Variants in ARMH3 observed in about 807,000 individuals in gnomAD.
ARMH3 encodes the protein armadillo-like helical domain-containing protein 3.
A neutral mutation model predicts 99.1 loss-of-function variants in ARMH3; 60 were observed. The observed-to-expected ratio is 0.61, with a 90% CI of 0.49 to 0.75. The LOEUF is 0.75. ARMH3 is among the 30% of genes least tolerant of loss of function. ARMH3 has a pLI of 0.00. For synonymous variants in ARMH3, 285 were observed against 292.8 expected (o/e 0.97, Z 0.27); for missense variants, 679 against 843.1 (o/e 0.81, Z 2.41).
chr10:101,967,128 G>A (rs1187910503), intron 20 of ARMH3, among the ~76,000 whole-genome samples: 1 of 152,136 alleles, frequency 6.6e-6, no homozygotes, highest in Non-Finnish European at 1.5e-5. Flanking sequence ...CTAGGTTTAG[G>A]TACCACAGAA....
rs1343866288 is a variant in ARMH3, at chr10:101,847,617, G to T, written c.1981C>A (p.Arg661=). The change falls in exon 26 of 26, where the codon CGA becomes AGA. Residue 661 remains arginine (R), a synonymous_variant. Transcript: ENST00000370033. ...KEAAFFKELV[R]SISTNVRRNL... is the part of the protein sequence containing the mutation. ...CTCCGGACGTTGGTGCTAATGGATC[G>T]AACCTGGGAAAGGGTAGTTGGGGAA... 5.6e-6 allele frequency: 9 copies of T among 1,614,088 alleles called. No homozygotes were observed. The highest frequency in any genetic ancestry group is 2.2e-5 in the East Asian group (1 of 44,882).
intron 24 of ARMH3, among the ~76,000 whole-genome samples, chr10:101,858,741 T>C (rs1193930520): frequency 6.6e-6 from 1 of 152,140 alleles, no homozygotes; most frequent in Non-Finnish European, 1.5e-5. Flanking sequence ...TGGCAGGCCC[T>C]CTCCTAGAGA....
intron 22 of ARMH3, among the ~76,000 whole-genome samples, chr10:101,944,335 A>C (rs1844421452): frequency 7.6e-6 from 1 of 131,544 alleles, no homozygotes; most frequent in Non-Finnish European, 1.6e-5. Context: ...GAGAGTCCAA[A>C]CTGAGAACAG....
At chr10:102,026,648 A>G (rs1196948502) in intron 5 of ARMH3, among the ~76,000 whole-genome samples, 1 of 152,232 alleles carries the variant, frequency 6.6e-6, no homozygotes, top group Non-Finnish European at 1.5e-5. Flanking sequence ...AGAATGAGGC[A>G]CAGTGGTGAG....
At chr10:101,886,057 CA>C (rs539423343) in intron 24 of ARMH3, among the ~76,000 whole-genome samples, 78 of 122,994 alleles carry the variant, frequency 6.3e-4, no homozygotes, top group Admixed American at 1.0e-3. Context: ...GACTCCATCT[CA>C]AAAAAAAAAA....
intron 8 of ARMH3, among the ~76,000 whole-genome samples, chr10:102,015,670 G>A (rs982062833): frequency 4.6e-5 from 7 of 152,154 alleles, no homozygotes; most frequent in South Asian, 2.1e-4. Context: ...GAATACAGGC[G>A]TGAGCCACTG....
chr10:101,954,548 T>C (rs562028091), intron 22 of ARMH3, among the ~76,000 whole-genome samples: 37 of 152,208 alleles, frequency 2.4e-4, no homozygotes, highest in Non-Finnish European at 3.5e-4. Flanking sequence ...GGTGACCTCA[T>C]ATGAAATTTT....
intron 24 of ARMH3, among the ~76,000 whole-genome samples, chr10:101,881,593 T>C (rs552621262): frequency 6.6e-6 from 1 of 152,232 alleles, no homozygotes; most frequent in South Asian, 2.1e-4. Flanking sequence ...ATTTACCCAA[T>C]AGGCCTCATC....
In ARMH3 at chr10:101,939,673, G is replaced by A. The variant is rs116856035; in HGVS notation, c.1781+190C>T. ...CACAGAACAGCCAGCACTTTGAGCT[G>A]TTTCAATATGATAAAATAAAAGCCT... On this transcript the variant is annotated intron_variant, in intron 23 of 25. Transcript: ENST00000370033. Among the ~76,000 whole-genome samples, 35 of 152,302 alleles carry A rather than the reference G, an allele frequency of 2.3e-4. No homozygotes were observed. The East Asian group carries it at 5.6e-3, about 24-fold the overall frequency.
intron 23 of ARMH3, among the ~76,000 whole-genome samples, chr10:101,925,355 C>T (rs1843468359): frequency 6.6e-6 from 1 of 152,126 alleles, no homozygotes; most frequent in Non-Finnish European, 1.5e-5. Flanking sequence ...ACCCTAACAC[C>T]ATATTTTAGG....
chr10:102,032,060 C>T (rs1445538053), intron 4 of ARMH3, among the ~76,000 whole-genome samples: 1 of 152,140 alleles, frequency 6.6e-6, no homozygotes, highest in Admixed American at 6.6e-5. Flanking sequence ...TATTCTAAAC[C>T]TATCAATCAC....
intron 24 of ARMH3, among the ~76,000 whole-genome samples, chr10:101,863,882 G>A (rs1020621127): frequency 1.7e-4 from 26 of 152,150 alleles, no homozygotes; most frequent in African/African-American, 5.8e-4. Flanking sequence ...CCAATATGGT[G>A]AAACCCTGTC....
At chr10:102,054,343 C>G (rs886543795) in intron 1 of ARMH3, among the ~76,000 whole-genome samples, 6 of 150,320 alleles carry the variant, frequency 4.0e-5, no homozygotes, top group African/African-American at 7.4e-5. Context: ...GAGCCAAGAT[C>G]ATGCCACTGC....
chr10:101,978,049 A>G (rs2135938789), intron 19 of ARMH3, among the ~76,000 whole-genome samples: 1 of 152,278 alleles, frequency 6.6e-6, no homozygotes, highest in South Asian at 2.1e-4. Context: ...CTCCCAAAAA[A>G]GGGGAACAGG....
chr10:101,849,367 T>C (rs746111268), intron 25 of ARMH3, among the ~76,000 whole-genome samples: 14 of 152,124 alleles, frequency 9.2e-5, no homozygotes, highest in African/African-American at 1.9e-4. Flanking sequence ...AAGCAGGGAA[T>C]GGAGACTGGA....
chr10:101,924,400 C>T (rs1328205497), intron 23 of ARMH3, among the ~76,000 whole-genome samples: 5 of 146,620 alleles, frequency 3.4e-5, no homozygotes, highest in African/African-American at 5.0e-5. Context: ...CTTGCTCTGT[C>T]GCCCAGGCTA....
intron 5 of ARMH3, among the ~76,000 whole-genome samples, chr10:102,028,729 G>T (rs2067056492): frequency 6.6e-6 from 1 of 152,144 alleles, no homozygotes; most frequent in Non-Finnish European, 1.5e-5. Flanking sequence ...GCTTGCCAAG[G>T]GTTGAGAAGA....
chr10:101,948,974 A>G (rs1251260643), intron 22 of ARMH3, among the ~76,000 whole-genome samples: 1 of 152,202 alleles, frequency 6.6e-6, no homozygotes, highest in African/African-American at 2.4e-5. Flanking sequence ...AAAATTAAGC[A>G]ACACATTTCT....
intron 1 of ARMH3, among the ~76,000 whole-genome samples, chr10:102,053,806 C>A (rs1211186345): frequency 6.6e-6 from 1 of 151,938 alleles, no homozygotes; most frequent in African/African-American, 2.4e-5. Context: ...CTACAGGCGC[C>A]CGCCACCACA....
Sources: allele counts gnomAD v4.1 joint callset (sites outside exome capture counted in the v4.1 genomes callset), GRCh38; gene constraint gnomAD v4.1.1; transcripts MANE v1.5; gene names NCBI Gene and HGNC (gene_info 2026-07-23, HGNC 2026-07-21).